The following VRK2 variants were observed in gnomAD, a reference collection of about 807,000 sequenced individuals.
VRK2 encodes serine/threonine-protein kinase VRK2.
In VRK2, 60 loss-of-function variants were observed where a neutral mutation model predicts 57.6. The ratio of observed to expected loss-of-function variants is 1.04; its 90% CI spans 0.85 to 1.29. The LOEUF (loss-of-function observed/expected upper bound fraction) is 1.29, where lower values mean the gene tolerates loss of function less well. Ranked by LOEUF, VRK2 falls within the 50% of genes most tolerant of loss-of-function variation. The pLI is 0.00. For missense variants in VRK2, 705 were observed against 588.1 expected (o/e 1.20, Z -2.06); for synonymous variants, 231 against 199.2 (o/e 1.16, Z -1.35).
At chr2:57,948,008 A>C (rs772903421) in intron 1 of VRK2, among the ~76,000 whole-genome samples, 6 of 152,212 alleles carry the variant, frequency 3.9e-5, no homozygotes, top group Non-Finnish European at 5.9e-5. Flanking sequence ...ATTCTGACCC[A>C]TCACAAACTC....
At chr2:58,028,051 T>G (rs961463757) in intron 2 of VRK2, among the ~76,000 whole-genome samples, 6 of 152,224 alleles carry the variant, frequency 3.9e-5, no homozygotes, top group African/African-American at 1.4e-4. Flanking sequence ...GACAATCTGT[T>G]ATAAAATAGA....
chr2:58,084,045 G>A (rs1671273311), intron 2 of VRK2, 44 bp from the exon 3 acceptor site: 3 of 1,590,578 alleles, frequency 1.9e-6, no homozygotes, highest in African/African-American at 1.3e-5. Flanking sequence ...TTCAGTAATT[G>A]GGAATAACTA....
intron 12 of VRK2, among the ~76,000 whole-genome samples, chr2:58,155,929 T>G (rs1049944575): frequency 3.3e-5 from 5 of 151,792 alleles, no homozygotes; most frequent in South Asian, 2.1e-4. Context: ...TTGTTTTTTT[T>G]TTTTTCCAGT....
At chr2:58,013,985 G>A (rs1673497159) in intron 1 of VRK2, among the ~76,000 whole-genome samples, 1 of 151,780 alleles carries the variant, frequency 6.6e-6, no homozygotes, top group African/African-American at 2.4e-5. Context: ...TATGCTATAG[G>A]GTAATACTTT....
At chr2:57,958,663 A>T (rs1205675048) in intron 1 of VRK2, among the ~76,000 whole-genome samples, 1 of 152,096 alleles carries the variant, frequency 6.6e-6, no homozygotes, top group Non-Finnish European at 1.5e-5. Flanking sequence ...CTACTGCTAC[A>T]TTATGTTTTT....
chr2:58,069,070 A>T (rs1669029581), intron 2 of VRK2, among the ~76,000 whole-genome samples: 4 of 151,954 alleles, frequency 2.6e-5, no homozygotes, highest in Admixed American at 2.6e-4. Context: ...GCTTCTTTGT[A>T]TGCCTAGTAA....
intron 12 of VRK2, among the ~76,000 whole-genome samples, chr2:58,158,660 G>T (rs1684410571): frequency 6.6e-6 from 1 of 152,142 alleles, no homozygotes; most frequent in African/African-American, 2.4e-5. Context: ...TCGACTTTCA[G>T]CCAGTTAAGT....
At chr2:57,909,793 A>T (rs1669930987) in intron 1 of VRK2, among the ~76,000 whole-genome samples, 1 of 152,184 alleles carries the variant, frequency 6.6e-6, no homozygotes, top group Non-Finnish European at 1.5e-5. Context: ...TGTCTTAGAG[A>T]TCTGTCAAGA....
intron 7 of VRK2, among the ~76,000 whole-genome samples, chr2:58,105,785 A>G (rs1049143919): frequency 5.9e-5 from 9 of 151,874 alleles, no homozygotes; most frequent in African/African-American, 1.2e-4. Context: ...AGGTAGCACT[A>G]TTGCTAGCGA....
At chr2:58,059,721 A>G (rs1677051832) in intron 2 of VRK2, among the ~76,000 whole-genome samples, 1 of 151,822 alleles carries the variant, frequency 6.6e-6, no homozygotes, top group Admixed American at 6.6e-5. Flanking sequence ...GATTTCATGA[A>G]AAAGTTAGAA....
chr2:58,075,567 A>G (rs1022909048), intron 2 of VRK2, among the ~76,000 whole-genome samples: 1 of 152,092 alleles, frequency 6.6e-6, no homozygotes, highest in Admixed American at 6.6e-5. Flanking sequence ...TGACTTTTTA[A>G]TAATAGTCAT....
intron 2 of VRK2, among the ~76,000 whole-genome samples, chr2:58,072,915 G>C (rs888762947): frequency 4.0e-5 from 6 of 151,892 alleles, no homozygotes; most frequent in African/African-American, 1.2e-4. Flanking sequence ...TGTAAGTTTA[G>C]ATAATTTATT....
chr2:57,939,584 A>C (rs1479689048), intron 1 of VRK2, among the ~76,000 whole-genome samples: 2 of 152,216 alleles, frequency 1.3e-5, no homozygotes, highest in African/African-American at 2.4e-5. Context: ...TTTCCACAAA[A>C]AGCATATAGT....
At chr2:57,993,897 G>C (rs1034107428) in intron 1 of VRK2, among the ~76,000 whole-genome samples, 1 of 152,092 alleles carries the variant, frequency 6.6e-6, no homozygotes, top group Non-Finnish European at 1.5e-5. Flanking sequence ...CAGGTTGGAG[G>C]GTAAATTTCA....
intron 1 of VRK2, among the ~76,000 whole-genome samples, chr2:57,996,623 T>C (rs1483088625): frequency 6.6e-6 from 1 of 152,204 alleles, no homozygotes; most frequent in Non-Finnish European, 1.5e-5. Context: ...TTAAGAATAA[T>C]TTCAGTCAAA....
At chr2:58,115,736 T>C (rs1347206782) in intron 7 of VRK2, among the ~76,000 whole-genome samples, 1 of 151,540 alleles carries the variant, frequency 6.6e-6, no homozygotes, top group African/African-American at 2.4e-5. Context: ...AGGTAACAGA[T>C]GAGGATGAAA....
intron 4 of VRK2, 130 bp from the exon 5 acceptor site, chr2:58,086,209 T>C (rs1004927510): frequency 2.7e-5 from 20 of 737,062 alleles, no homozygotes; most frequent in East Asian, 1.1e-4. Context: ...AGATGTTTGA[T>C]TGAAAAAAAA....
intron 3 of VRK2, among the ~76,000 whole-genome samples, chr2:58,041,347 G>T (rs1371553007): frequency 1.3e-5 from 2 of 152,036 alleles, no homozygotes; most frequent in East Asian, 3.9e-4. Context: ...CTAACTGAAT[G>T]GACCCCTCTT....
intron 2 of VRK2, among the ~76,000 whole-genome samples, chr2:58,058,198 A>G (rs2103865376): frequency 6.6e-6 from 1 of 152,238 alleles, no homozygotes; most frequent in Admixed American, 6.5e-5. Flanking sequence ...TTCATGAATT[A>G]ATTTTTTTTC....
Sources: gnomAD v4.1 joint callset for allele counts (sites outside exome capture counted in the v4.1 genomes callset) on GRCh38, gnomAD v4.1.1 for gene constraint, MANE v1.5 for transcripts, NCBI Gene and HGNC (gene_info 2026-07-23, HGNC 2026-07-21) for gene names.